The following CYP11A1 variants were observed in gnomAD, a reference collection of about 807,000 sequenced individuals.
CYP11A1 encodes cytochrome P450 family 11 subfamily A member 1.
A neutral mutation model predicts 51.9 loss-of-function variants in CYP11A1; 25 were observed. That is an observed-to-expected ratio of 0.48 (90% confidence interval 0.35 to 0.67). The LOEUF is 0.67. CYP11A1 is among the 30% of genes least tolerant of loss of function. CYP11A1 has a pLI of 0.00. For synonymous variants in CYP11A1, 245 were observed against 262.1 expected (o/e 0.93, Z 0.63); for missense variants, 578 against 680.9 (o/e 0.85, Z 1.68).
chr15:74,339,542 C>A lies in CYP11A1; in HGVS notation c.1157+45G>T, dbSNP rs751841383. On this transcript the variant is annotated intron_variant, in intron 6 of 8. Coordinates refer to ENST00000268053, the MANE Select transcript of CYP11A1 (RefSeq NM_000781.3). Reference sequence around the variant, plus strand: ...TTCCCCGGGCACTTCCCTGGCCCTGCCCAGGGATTGGAGTTGGGGGCGGCA... The same window carrying A: ...TTCCCCGGGCACTTCCCTGGCCCTGACCAGGGATTGGAGTTGGGGGCGGCA... 1.1e-5 allele frequency: 18 copies of A among 1,602,456 alleles called. No individual in the cohort carries two copies. In the African/African-American group the frequency reaches 1.7e-4, roughly 15 times the overall value.
intron 8 of CYP11A1, 173 bp downstream of exon 8, chr15:74,338,398 G>A (rs1223160064): frequency 4.0e-5 from 31 of 777,820 alleles, no homozygotes; most frequent in Middle Eastern, 3.5e-4. Flanking sequence ...GGTTGAGCCC[G>A]AAAGAGGGGG....
chr15:74,342,740 C>A (rs1266711878), intron 5 of CYP11A1, among the ~76,000 whole-genome samples: 1 of 152,202 alleles, frequency 6.6e-6, no homozygotes, highest in African/African-American at 2.4e-5. Context: ...CCCGGCCACT[C>A]CTCTCTCACA....
chr15:74,365,548 T>G (rs2141248012), intron 1 of CYP11A1: 1 of 455,254 alleles, frequency 2.2e-6, no homozygotes, highest in Non-Finnish European at 2.9e-6. Flanking sequence ...TTAGTAGGGC[T>G]TGTTCTCTAA....
Position 74,345,004 on chromosome 15 carries a change from AC to A in CYP11A1, c.625+39del. ...AAGAGAGTGAACACTGAGTCCTCCC[AC>A]CCCCATGCCCACTGCCAGCCAGGTG... On this transcript the variant is annotated intron_variant, in intron 3 of 8. Coordinates refer to ENST00000268053, the MANE Select transcript of CYP11A1 (RefSeq NM_000781.3). This position sits in a 1 kb window ranked among gnomAD's most constrained non-coding sequence, Gnocchi z 4.3. 2 of 1,576,684 alleles carry A rather than the reference AC, an allele frequency of 1.3e-6. No individual in the cohort carries two copies. Among genetic ancestry groups the A allele is most frequent in the East Asian group, 2.2e-5 (1 of 44,678 alleles).
At chr15:74,365,388 AGCCTCAGG>A (rs2060727684) in intron 1 of CYP11A1, 1 of 151,938 alleles carries the variant, frequency 6.6e-6, no homozygotes, top group Non-Finnish European at 1.5e-5. Context: ...ACAGACTCAG[AGCCTCAGG>A]GCCAAGGGGT....
chr15:74,342,720 C>T (rs2060612752), intron 5 of CYP11A1, among the ~76,000 whole-genome samples: 1 of 152,164 alleles, frequency 6.6e-6, no homozygotes, highest in African/African-American at 2.4e-5. Flanking sequence ...ACCTGGACCT[C>T]ACCACCATGC....
chr15:74,365,725 C>G (rs2060729169), intron 1 of CYP11A1: 1 of 985,432 alleles, frequency 1.0e-6, no homozygotes, highest in Non-Finnish European at 1.2e-6. Flanking sequence ...CCTTAGCGCG[C>G]CACTGTCGGC....
At chr15:74,367,159 T>C (rs1375505448) in intron 1 of CYP11A1, 158 bp downstream of exon 1, 4 of 707,070 alleles carry the variant, frequency 5.7e-6, no homozygotes, top group Admixed American at 2.9e-5. Context: ...ATCCCTGATA[T>C]ATTTCTGTAT....
chr15:74,363,502 T>C (rs1019965227), intron 1 of CYP11A1: 1 of 152,208 alleles, frequency 6.6e-6, no homozygotes. Flanking sequence ...GAGTAAACTG[T>C]ATCTAGCTCA....
chr15:74,352,365 G>T lies in CYP11A1; in HGVS notation c.270-4310C>A, dbSNP rs371032569. ...GCTCACTGCAACCTCCGCCTTCTGG[G>T]TTCAAACAATTCTCCTGCCTCAGCC... On this transcript the variant is annotated intron_variant, in intron 1 of 8. Coordinates refer to ENST00000268053, the MANE Select transcript of CYP11A1 (RefSeq NM_000781.3). Among the ~76,000 whole-genome samples, 9 of 149,080 alleles carry T rather than the reference G, an allele frequency of 6.0e-5. No homozygotes were observed. The East Asian group carries it at 7.8e-4, about 13-fold the overall frequency.
At position 74,343,708 on chromosome 15, in the gene CYP11A1, C is replaced by T; in HGVS notation, c.829+81G>A. 1.1e-5 allele frequency: 14 copies of T among 1,268,484 alleles called. No homozygotes were observed. In the South Asian group the frequency reaches 1.7e-4, roughly 15 times the overall value. 78.6% of individuals were successfully genotyped at this position (1,268,484 alleles called of 1,614,324 possible). A position where few individuals can be genotyped will look rare whatever the true frequency, so the allele number is the denominator to read the frequency against. On this transcript the variant is annotated intron_variant, in intron 4 of 8. Coordinates refer to ENST00000268053, the MANE Select transcript of CYP11A1 (RefSeq NM_000781.3). ...GGGTTTCCTACAGGTCAAGTCAGCG[C>T]CCATTGACATAGCGTGGGACAAAGG... is the stretch of plus-strand genomic sequence containing the variant.
intron 1 of CYP11A1, chr15:74,366,899 A>G: frequency 5.4e-6 from 1 of 186,738 alleles, no homozygotes; most frequent in Non-Finnish European, 1.1e-5. Flanking sequence ...TATTTTTAGT[A>G]GAGACGGGGT....
chr15:74,341,842 GAC>G (rs1374453102), intron 5 of CYP11A1, among the ~76,000 whole-genome samples: 1 of 152,162 alleles, frequency 6.6e-6, no homozygotes, highest in Admixed American at 6.5e-5. Context: ...AGACAATTCT[GAC>G]ACAGACACAG....
In CYP11A1 at chr15:74,338,462, C is replaced by T; in HGVS notation, c.1434+109G>A. On this transcript the variant is annotated intron_variant, in intron 8 of 8. Coordinates refer to ENST00000268053, the MANE Select transcript of CYP11A1 (RefSeq NM_000781.3). ...GCAAGTAACTGGAGGTAGATGCGCC[C>T]CAGCACTGACATCCTTGGGCTCTGG... 7 of 1,164,830 alleles carry T rather than the reference C, an allele frequency of 6.0e-6. 1 individual carries two copies. The South Asian group carries it at 8.7e-5, about 14-fold the overall frequency. The allele number at this position is 1,164,830 out of a possible 1,614,324, so 72.2% of individuals were successfully genotyped here.
intron 1 of CYP11A1, among the ~76,000 whole-genome samples, chr15:74,358,465 T>G (rs1445144656): frequency 1.3e-5 from 2 of 152,232 alleles, no homozygotes; most frequent in African/African-American, 4.8e-5. Flanking sequence ...TTAGAACCTC[T>G]CATTTCCTTT....
In CYP11A1 at chr15:74,339,591, G is replaced by A. The variant is rs757960246; in HGVS notation, c.1153C>T (p.Leu385=). The A allele has an allele frequency of 1.2e-6, 2 of 1,613,862 alleles. No homozygotes were observed. Among genetic ancestry groups the A allele is most frequent in the Admixed American group, 3.3e-5 (2 of 60,002 alleles). The change falls in exon 6 of 9, where the codon CTA becomes TTA. Residue 385 remains leucine (L), a synonymous_variant. Transcript: ENST00000268053. ...CATGGGTGGTTGTGGGCTTGCCTTA[G>A]TGTCTCCTTGATGCTGGCTTTGAGG... ...PLLKASIKET[L]RLHPISVTLQ...
At chr15:74,361,985 G>C in intron 1 of CYP11A1, 5 of 1,396,000 alleles carry the variant, frequency 3.6e-6, no homozygotes, top group Non-Finnish European at 5.0e-6. Flanking sequence ...GGAGCGCTTT[G>C]GGTCCAGGAA....
intron 5 of CYP11A1, among the ~76,000 whole-genome samples, chr15:74,339,996 G>A (rs924304219): frequency 1.4e-4 from 22 of 152,290 alleles, no homozygotes; most frequent in African/African-American, 4.6e-4. Context: ...CCCTGCCCTC[G>A]TCCCTCATGT....
intron 1 of CYP11A1, among the ~76,000 whole-genome samples, chr15:74,358,834 G>A (rs1453995780): frequency 6.6e-6 from 1 of 151,930 alleles, no homozygotes; most frequent in African/African-American, 2.4e-5. Flanking sequence ...CAGGCTCTTG[G>A]TATTCAGTGA....
Sources: allele counts gnomAD v4.1 joint callset (sites outside exome capture counted in the v4.1 genomes callset), GRCh38; gene constraint gnomAD v4.1.1; non-coding constraint Gnocchi (gnomAD v3.1); transcripts MANE v1.5; gene names NCBI Gene and HGNC (gene_info 2026-07-23, HGNC 2026-07-21).